GRIK1: variants seen among roughly 807,000 people sequenced by gnomAD.
The protein encoded by GRIK1 is glutamate ionotropic receptor kainate type subunit 1.
In GRIK1, 69 loss-of-function variants were observed where a neutral mutation model predicts 105.7. The observed-to-expected ratio is 0.65, with a 90% CI of 0.54 to 0.80. The LOEUF (loss-of-function observed/expected upper bound fraction) is 0.80, where lower values mean the gene tolerates loss of function less well. Ranked by LOEUF, GRIK1 falls within the 30% of genes least tolerant of loss-of-function variation. The probability of loss-of-function intolerance (pLI) is 0.00; values close to 1 mark genes in which losing one functional copy is unlikely to be tolerated. For missense variants in GRIK1, 1,109 were observed against 1,167.3 expected, an observed-to-expected ratio of 0.95 and a Z score of 0.73; for synonymous variants, 438 against 431.3, an observed-to-expected ratio of 1.02 and a Z score of -0.19.
rs146618561 is a variant in GRIK1, at chr21:29,695,476, C to CTATATATA, written c.119-1421_119-1414dup. 7.1e-3 allele frequency among the ~76,000 whole-genome samples: 999 copies of CTATATATA among 139,990 alleles called. 6 individuals carry two copies. The highest frequency in any genetic ancestry group is 0.015 in the Middle Eastern group (4 of 272). 91.8% of individuals were successfully genotyped at this position (139,990 alleles called of 152,430 possible). Reference sequence around the variant, plus strand: ...TCTATCTATCTATCTATCTATCTATCTATATATATATATTTTGAGATGGAG... The same window carrying CTATATATA: ...TCTATCTATCTATCTATCTATCTATCTATATATATATATATATATATTTTGAGATGGAG... On this transcript the variant is annotated intron_variant, in intron 1 of 17. Transcript: ENST00000327783.
chr21:29,685,208 G>A (rs1328289365), intron 3 of GRIK1, among the ~76,000 whole-genome samples: 5 of 152,076 alleles, frequency 3.3e-5, no homozygotes, highest in East Asian at 1.9e-4. Flanking sequence ...TTCAAACAAC[G>A]TATTGCAGAA....
At chr21:29,653,006 A>G (rs901308496) in intron 5 of GRIK1, among the ~76,000 whole-genome samples, 7 of 152,238 alleles carry the variant, frequency 4.6e-5, no homozygotes, top group African/African-American at 7.2e-5. Context: ...ACTGCCTTTT[A>G]AAGCATTGCA....
At chr21:29,646,978 TG>T (rs772417500) in intron 6 of GRIK1, among the ~76,000 whole-genome samples, 6 of 152,122 alleles carry the variant, frequency 3.9e-5, no homozygotes, top group Non-Finnish European at 5.9e-5. Flanking sequence ...CCTGAGTAGC[TG>T]GGATTACAGG....
At chr21:29,688,422 A>T (rs552907303) in intron 3 of GRIK1, among the ~76,000 whole-genome samples, 9 of 152,332 alleles carry the variant, frequency 5.9e-5, no homozygotes, top group African/African-American at 2.2e-4. Flanking sequence ...CGTATTGCAA[A>T]GTTTGACACT....
chr21:29,615,402 C>G (rs549252069), intron 7 of GRIK1, among the ~76,000 whole-genome samples: 1 of 152,134 alleles, frequency 6.6e-6, no homozygotes, highest in Non-Finnish European at 1.5e-5. Flanking sequence ...TTCTGCCTCC[C>G]AGGTTCAAGT....
At chr21:29,840,939 G>A (rs956262563) in intron 1 of GRIK1, among the ~76,000 whole-genome samples, 4 of 152,044 alleles carry the variant, frequency 2.6e-5, no homozygotes, top group Non-Finnish European at 5.9e-5. Context: ...AAAATAAATG[G>A]AAATTAGACA....
intron 16 of GRIK1, among the ~76,000 whole-genome samples, chr21:29,549,125 C>T (rs1601081506): frequency 6.6e-6 from 1 of 152,284 alleles, no homozygotes; most frequent in East Asian, 1.9e-4. Context: ...CCACTACCAG[C>T]CACTTGTTCA....
intron 1 of GRIK1, among the ~76,000 whole-genome samples, chr21:29,697,418 GT>G (rs965447770): frequency 6.6e-6 from 1 of 152,122 alleles, no homozygotes; most frequent in Non-Finnish European, 1.5e-5. Context: ...AATTACAAGT[GT>G]TTTCATTATG....
At chr21:29,896,770 T>C (rs1189502636) in intron 1 of GRIK1, among the ~76,000 whole-genome samples, 1 of 152,162 alleles carries the variant, frequency 6.6e-6, no homozygotes, top group African/African-American at 2.4e-5. Flanking sequence ...CTTGGGTCAC[T>C]ATTGGTGATG....
chr21:29,767,738 G>T (rs746283032), intron 1 of GRIK1, among the ~76,000 whole-genome samples: 3 of 152,082 alleles, frequency 2.0e-5, no homozygotes, highest in Non-Finnish European at 4.4e-5. Flanking sequence ...ACTTGCCTTT[G>T]AGTCAGAAGT....
intron 1 of GRIK1, among the ~76,000 whole-genome samples, chr21:29,697,205 A>G (rs941716727): frequency 2.6e-5 from 4 of 152,248 alleles, no homozygotes; most frequent in African/African-American, 9.6e-5. Flanking sequence ...GAATTGCTCT[A>G]TAAAGCAAAT....
intron 7 of GRIK1, among the ~76,000 whole-genome samples, chr21:29,633,680 A>G (rs972916018): frequency 9.2e-5 from 14 of 152,124 alleles, no homozygotes; most frequent in African/African-American, 3.4e-4. Context: ...TATTTTATCC[A>G]TCCAGAGTTG....
chr21:29,799,525 TTTTG>T (rs773270339), intron 1 of GRIK1, among the ~76,000 whole-genome samples: 32 of 150,706 alleles, frequency 2.1e-4, no homozygotes, highest in Admixed American at 5.3e-4. Flanking sequence ...TTCATTTGTT[TTTTG>T]TTTGTTTGTT....
intron 1 of GRIK1, among the ~76,000 whole-genome samples, chr21:29,810,578 T>C (rs1369502071): frequency 6.6e-6 from 1 of 152,132 alleles, no homozygotes; most frequent in African/African-American, 2.4e-5. Flanking sequence ...TTGCCAAGCG[T>C]GTCAATCTAT....
Position 29,561,663 on chromosome 21 carries a change from G to A in GRIK1, c.2317C>T (p.Leu773Phe), listed in dbSNP as rs2146176178. Residue 773 changes from leucine (L) to phenylalanine (F), a missense_variant, in exon 15 of 18, where the codon CTC becomes TTC. Physicochemically the swap from Leu to Phe is conservative, Grantham distance 22 (BLOSUM62 0). Transcript: ENST00000327783. Reference protein sequence around the residue: ...RNCNLTQIGGLIDSKGYGVGT... With the variant: ...RNCNLTQIGGFIDSKGYGVGT... ...ACTCCGTAACCTTTGGAGTCAATGA[G>A]GCCCCCGATCTGAGTGAGGTTGCAG... 1 of 1,613,836 alleles carries A rather than the reference G, an allele frequency of 6.2e-7. No individual in the cohort carries two copies. The highest frequency in any genetic ancestry group is 8.5e-7 in the Non-Finnish European group (1 of 1,179,760).
chr21:29,939,552 G>T lies in GRIK1; in HGVS notation c.-52C>A. ...GATACAGCCGCTGCCGGACGCCCGA[G>T]AGATGCACCCAACTTGGGCCGGGTC... On this transcript the variant is annotated 5_prime_UTR_variant, in exon 1 of 18. Coordinates refer to ENST00000327783, the MANE Select transcript of GRIK1 (RefSeq NM_001330994.2). 1 of 1,171,590 alleles carries T rather than the reference G, an allele frequency of 8.5e-7. No homozygotes were observed. Among genetic ancestry groups the T allele is most frequent in the South Asian group, 1.4e-5 (1 of 69,886 alleles). 72.6% of individuals were successfully genotyped at this position (1,171,590 alleles called of 1,614,324 possible). A position where few individuals can be genotyped will look rare whatever the true frequency, so the allele number is the denominator to read the frequency against.
At chr21:29,934,301 T>C (rs2071672108) in intron 1 of GRIK1, among the ~76,000 whole-genome samples, 1 of 152,214 alleles carries the variant, frequency 6.6e-6, no homozygotes, top group South Asian at 2.1e-4. Flanking sequence ...TTAGTTACCC[T>C]GGATAACCAA....
intron 1 of GRIK1, among the ~76,000 whole-genome samples, chr21:29,761,727 C>T (rs11701410): frequency 0.025 from 3,721 of 149,846 alleles, 71 homozygotes; most frequent in Non-Finnish European, 0.04. Flanking sequence ...TTCTTTCCTT[C>T]CTTCCTTCTT....
Position 29,615,528 on chromosome 21 carries a change from T to G in GRIK1, c.1099-16591A>C, listed in dbSNP as rs936012945. On this transcript the variant is annotated intron_variant, in intron 7 of 17. Coordinates refer to ENST00000327783, the MANE Select transcript of GRIK1 (RefSeq NM_001330994.2). Reference sequence around the variant, plus strand: ...TTTACCATGTTGGCCAGGCTGGTCTTGAACTCCTGACCTCAGGTGATCCAC... The same window carrying G: ...TTTACCATGTTGGCCAGGCTGGTCTGGAACTCCTGACCTCAGGTGATCCAC... Among the ~76,000 whole-genome samples, 8 of 152,120 alleles carry G rather than the reference T, an allele frequency of 5.3e-5. 1 individual carries two copies. The highest frequency in any genetic ancestry group is 4.1e-4 in the South Asian group (2 of 4,824).
Sources: gnomAD v4.1 joint callset for allele counts (sites outside exome capture counted in the v4.1 genomes callset) on GRCh38, gnomAD v4.1.1 for gene constraint, MANE v1.5 for transcripts, NCBI Gene and HGNC (gene_info 2026-07-23, HGNC 2026-07-21) for gene names.